Variants in RAP1A observed in about 807,000 individuals in gnomAD.
The protein encoded by RAP1A is ras-related protein Rap-1A.
In RAP1A, 6 loss-of-function variants were observed where a neutral mutation model predicts 26.4. That is an observed-to-expected ratio of 0.23 (90% CI 0.12 to 0.45). RAP1A has a LOEUF of 0.45. RAP1A is among the 20% of genes least tolerant of loss of function. The pLI, the probability that RAP1A is intolerant of heterozygous loss-of-function variation, is 0.99. For missense variants in RAP1A, 121 were observed against 217.2 expected (o/e 0.56, Z 2.78); for synonymous variants, 73 against 79.4 (o/e 0.92, Z 0.43).
At chr1:111,543,712 GGGAGGAGAAAGA>G (rs1656932744) in intron 1 of RAP1A, among the ~76,000 whole-genome samples, 1 of 151,770 alleles carries the variant, frequency 6.6e-6, no homozygotes, top group South Asian at 2.1e-4. Flanking sequence ...GGAGAAGAGA[GGGAGGAGAAAGA>G]GGAGGAGGAA....
intron 1 of RAP1A, among the ~76,000 whole-genome samples, chr1:111,551,135 A>G (rs747223967): frequency 2.2e-4 from 34 of 152,220 alleles, no homozygotes; most frequent in Non-Finnish European, 4.3e-4. Flanking sequence ...CTTTAAATCT[A>G]AAGGGAGACT....
chr1:111,673,605 G>A (rs1557886849), intron 1 of RAP1A, among the ~76,000 whole-genome samples: 1 of 152,172 alleles, frequency 6.6e-6, no homozygotes, highest in Non-Finnish European at 1.5e-5. Flanking sequence ...TAAACATAGT[G>A]TAATGTTTAT....
chr1:111,691,295 C>A, intron 1 of RAP1A, 39 bp from the exon 2 acceptor site: 1 of 1,438,942 alleles, frequency 6.9e-7, no homozygotes, highest in Non-Finnish European at 9.8e-7. Context: ...AGACTGTTAG[C>A]ATGTTTCTTA....
chr1:111,634,599 T>TTA (rs141253898), intron 1 of RAP1A, among the ~76,000 whole-genome samples: 3,461 of 149,770 alleles, frequency 0.023, 59 homozygotes, highest in Non-Finnish European at 0.037. Flanking sequence ...AACTTTACAT[T>TTA]TATATATATA....
chr1:111,598,522 A>G (rs910418581), intron 1 of RAP1A, among the ~76,000 whole-genome samples: 1 of 152,066 alleles, frequency 6.6e-6, no homozygotes, highest in African/African-American at 2.4e-5. Context: ...AGCACCTTCT[A>G]TTACATACCC....
chr1:111,683,086 T>G (rs931858559), intron 1 of RAP1A, among the ~76,000 whole-genome samples: 1 of 152,076 alleles, frequency 6.6e-6, no homozygotes, highest in Non-Finnish European at 1.5e-5. Flanking sequence ...GATAACAAAA[T>G]TAAGGCAGAA....
chr1:111,633,400 A>G (rs111719529), intron 1 of RAP1A, among the ~76,000 whole-genome samples: 1,692 of 152,342 alleles, frequency 0.011, 25 homozygotes, highest in African/African-American at 0.038. Context: ...ATGTGTATCT[A>G]TAAAAACTAG....
intron 1 of RAP1A, among the ~76,000 whole-genome samples, chr1:111,688,061 G>A: frequency 7.3e-6 from 1 of 136,752 alleles, no homozygotes. Flanking sequence ...ACTTGTTCAC[G>A]ATTTAAATGT....
chr1:111,619,548 C>G (rs1051340475), upstream of RAP1A, among the ~76,000 whole-genome samples: 1 of 152,226 alleles, frequency 6.6e-6, no homozygotes, highest in South Asian at 2.1e-4. Flanking sequence ...TGGACCCTTC[C>G]TCATCTTTTT....
intron 1 of RAP1A, among the ~76,000 whole-genome samples, chr1:111,579,736 G>A (rs1029878043): frequency 6.6e-6 from 1 of 152,148 alleles, no homozygotes; most frequent in Non-Finnish European, 1.5e-5. Flanking sequence ...AGTTTACCTT[G>A]AGTAAAATCA....
At chr1:111,672,290 T>C (rs1406465253) in intron 1 of RAP1A, among the ~76,000 whole-genome samples, 2 of 152,246 alleles carry the variant, frequency 1.3e-5, no homozygotes, top group Non-Finnish European at 2.9e-5. Context: ...TAAATTAATA[T>C]TAACATATTT....
chr1:111,611,787 A>G (rs1204830391), intron 1 of RAP1A, among the ~76,000 whole-genome samples: 1 of 152,230 alleles, frequency 6.6e-6, no homozygotes, highest in Non-Finnish European at 1.5e-5. Context: ...TAGGGTTGCC[A>G]GATAAAATAT....
intron 1 of RAP1A, among the ~76,000 whole-genome samples, chr1:111,650,093 C>CTTTTTTTTTTTT (rs57681662): frequency 1.3e-5 from 1 of 75,850 alleles, no homozygotes; most frequent in African/African-American, 5.1e-5. Flanking sequence ...TGGTAGAGTG[C>CTTTTTTTTTTTT]TTTTTTTTTT....
Position 111,573,557 on chromosome 1 carries a change from A to T in RAP1A, c.-28+31048A>T, listed in dbSNP as rs139354474. Among the ~76,000 whole-genome samples, 230 of 151,946 alleles carry T rather than the reference A, an allele frequency of 1.5e-3. 6 individuals carry two copies. In the East Asian group the frequency reaches 0.042, roughly 28 times the overall value. ...ACCATGTTAGCCAGGCTGGTCTCGA[A>T]CTCCTGACCTCAGGCAATCTGCCCA... On this transcript the variant is annotated intron_variant, in intron 1 of 7. Coordinates refer to the RAP1A transcript ENST00000356415.
chr1:111,621,176 G>A (rs1462882018), intron 1 of RAP1A, among the ~76,000 whole-genome samples: 1 of 152,104 alleles, frequency 6.6e-6, no homozygotes, highest in Non-Finnish European at 1.5e-5. Context: ...TTTAACTTGG[G>A]GCTCCTACCT....
At position 111,583,680 on chromosome 1, in the gene RAP1A, A is replaced by G. The variant is rs370006509; in HGVS notation, c.-28+41171A>G. Reference sequence around the variant, plus strand: ...CTGAATTGCAAAAAAAAGCTGAACTAAAAAATAGACAAAAAATTAAATGCA... The same window carrying G: ...CTGAATTGCAAAAAAAAGCTGAACTGAAAAATAGACAAAAAATTAAATGCA... On this transcript the variant is annotated intron_variant, in intron 1 of 7. Coordinates refer to the RAP1A transcript ENST00000356415. Among the ~76,000 whole-genome samples the G allele has an allele frequency of 7.2e-5, 11 of 152,240 alleles. No individual in the cohort carries two copies. The East Asian group carries it at 1.9e-3, about 27-fold the overall frequency.
rs567771881 is a variant in RAP1A at position 111,599,216 on chromosome 1, G to GT, written c.-28+56714dup. Among the ~76,000 whole-genome samples, 30 of 151,630 alleles carry GT rather than the reference G, an allele frequency of 2.0e-4. No individual in the cohort carries two copies. The East Asian group carries it at 5.6e-3, about 28-fold the overall frequency. On this transcript the variant is annotated intron_variant, in intron 1 of 7. Coordinates refer to the RAP1A transcript ENST00000356415. Reference sequence around the variant, plus strand: ...ATTTTATTTGTCTTTTTTTGTTGTTGTTTTTTTGAGATGGAGTCTGGCTCT... The same window carrying GT: ...ATTTTATTTGTCTTTTTTTGTTGTTGTTTTTTTTGAGATGGAGTCTGGCTCT...
intron 1 of RAP1A, among the ~76,000 whole-genome samples, chr1:111,642,993 AAC>A (rs898807800): frequency 3.3e-5 from 5 of 151,402 alleles, no homozygotes; most frequent in African/African-American, 1.2e-4. Context: ...GCTGGTCTCA[AAC>A]TCCTGATCTT....
rs1371106560 is a variant in RAP1A, at chr1:111,715,548, G to A, written c.*3147G>A. On this transcript the variant is annotated 3_prime_UTR_variant, in exon 8 of 8. Transcript: ENST00000369709. The stretch of plus-strand genomic sequence containing the variant: ...GAATAACACCCTAGTTTTCTGAACT[G>A]CAGCTGCATGGGTAATTATCTTAAG... 1 of 152,186 alleles carries A rather than the reference G, an allele frequency of 6.6e-6. No individual in the cohort carries two copies. Among genetic ancestry groups the A allele is most frequent in the Non-Finnish European group, 1.5e-5 (1 of 68,044 alleles). 9.4% of individuals were successfully genotyped at this position (152,186 alleles called of 1,614,324 possible). A position where few individuals can be genotyped will look rare whatever the true frequency, so the allele number is the denominator to read the frequency against.
Sources: gnomAD v4.1 joint callset for allele counts (sites outside exome capture counted in the v4.1 genomes callset) on GRCh38, gnomAD v4.1.1 for gene constraint, MANE v1.5 for transcripts, NCBI Gene and HGNC (gene_info 2026-07-23, HGNC 2026-07-21) for gene names.